Variants in NIPAL1 observed in about 807,000 individuals in gnomAD.
NIPAL1 encodes NIPA like domain containing 1, also known as magnesium transporter NIPA3.
A neutral mutation model predicts 37.7 loss-of-function variants in NIPAL1; 35 were observed. The ratio of observed to expected loss-of-function variants is 0.93; its 90% confidence interval spans 0.71 to 1.23. The LOEUF is 1.23. Ranked by LOEUF, NIPAL1 falls within the 50% of genes most tolerant of loss-of-function variation. The pLI is 0.00. For missense variants in NIPAL1, 412 were observed against 473.9 expected (o/e 0.87, Z 1.21); for synonymous variants, 162 against 183.0 (o/e 0.89, Z 0.93).
In NIPAL1 at chr4:48,037,588, C is replaced by T. The variant is rs532027166; in HGVS notation, c.*1416C>T. ...CTGAACAAATTATCATAATGGCTCT[C>T]TTGAAATTTTGCACTTTCACCCTTA... On this transcript the variant is annotated 3_prime_UTR_variant, in exon 6 of 6. Transcript: ENST00000295461. The T allele has an allele frequency of 3.4e-4, 54 of 156,746 alleles. No individual in the cohort carries two copies. The highest frequency in any genetic ancestry group is 6.5e-4 in the Non-Finnish European group (46 of 70,900). 9.7% of individuals were successfully genotyped at this position (156,746 alleles called of 1,614,324 possible). A position where few individuals can be genotyped will look rare whatever the true frequency, so the allele number is the denominator to read the frequency against.
chr4:48,034,848 T>C, intron 4 of NIPAL1, 33 bp from the exon 5 acceptor site: 1 of 1,558,156 alleles, frequency 6.4e-7, no homozygotes, highest in Non-Finnish European at 8.8e-7. Flanking sequence ...GTAATTGAGC[T>C]ATAGTGATTT....
rs1250473588 is a variant in NIPAL1, at chr4:48,038,165, A to G, written c.*1993A>G. The G allele has an allele frequency of 1.3e-5, 2 of 152,246 alleles. No individual in the cohort carries two copies. The highest frequency in any genetic ancestry group is 2.9e-5 in the Non-Finnish European group (2 of 68,052). 9.4% of individuals were successfully genotyped at this position (152,246 alleles called of 1,614,324 possible). ...CTGCAAGGCCCTAATGTTCCATTAT[A>G]CATTATAGTCTTTTCAGCATAGTTT... On this transcript the variant is annotated 3_prime_UTR_variant, in exon 6 of 6. Transcript: ENST00000295461.
chr4:48,018,626 CAG>C (rs1253951053), intron 1 of NIPAL1, among the ~76,000 whole-genome samples: 2 of 152,102 alleles, frequency 1.3e-5, no homozygotes. Context: ...CTACACCACT[CAG>C]AGCTTGACAT....
At chr4:48,022,201 C>G (rs554596451) in intron 1 of NIPAL1, among the ~76,000 whole-genome samples, 2 of 152,280 alleles carry the variant, frequency 1.3e-5, no homozygotes, top group South Asian at 4.1e-4. Context: ...TGCCCACACA[C>G]CATCCATTAC....
intron 4 of NIPAL1, among the ~76,000 whole-genome samples, chr4:48,034,509 T>C: frequency 6.6e-6 from 1 of 152,234 alleles, no homozygotes; most frequent in East Asian, 1.9e-4. Context: ...TGTATCTTTC[T>C]TGGAAACATC....
Position 48,035,726 on chromosome 4 carries a change from G to T in NIPAL1, c.787G>T (p.Glu263Ter), listed in dbSNP as rs1715911987. The T allele has an allele frequency of 1.2e-6, 2 of 1,614,086 alleles. No individual in the cohort carries two copies. Among genetic ancestry groups the T allele is most frequent in the South Asian group, 2.2e-5 (2 of 91,076 alleles). Residue 263 changes from glutamate (E) to a stop codon, truncating the protein, a stop_gained, in exon 6 of 6, where the codon GAG becomes TAG. Transcript: ENST00000295461. LOFTEE classifies it high-confidence loss of function. ...GAAAGGCCTGGGAATTGCCATTAAG[G>T]AGCTGATAGAATGGAAGCCAGTTTA... is the stretch of plus-strand genomic sequence containing the variant. ...SVKGLGIAIK[E>*]LIEWKPVYKH...
intron 1 of NIPAL1, among the ~76,000 whole-genome samples, chr4:48,021,964 A>AG (rs1715582035): frequency 6.6e-6 from 1 of 152,122 alleles, no homozygotes; most frequent in African/African-American, 2.4e-5. Flanking sequence ...ACATCAAAGA[A>AG]GAAGTACATG....
At chr4:48,028,236 C>A (rs1715735192) in intron 2 of NIPAL1, among the ~76,000 whole-genome samples, 1 of 152,110 alleles carries the variant, frequency 6.6e-6, no homozygotes, top group Non-Finnish European at 1.5e-5. Flanking sequence ...ACACATAGAT[C>A]AGTGGAACAG....
At chr4:48,019,651 C>T (rs1715527703) in intron 1 of NIPAL1, among the ~76,000 whole-genome samples, 1 of 152,080 alleles carries the variant, frequency 6.6e-6, no homozygotes, top group Non-Finnish European at 1.5e-5. Flanking sequence ...GAAGAAAAGG[C>T]AATAGTAGGG....
At chr4:48,021,454 G>A (rs931392078) in intron 1 of NIPAL1, among the ~76,000 whole-genome samples, 3 of 152,110 alleles carry the variant, frequency 2.0e-5, no homozygotes, top group Non-Finnish European at 4.4e-5. Context: ...TAAATATTAG[G>A]TTGAAACATA....
chr4:48,021,926 T>C (rs1715579688), intron 1 of NIPAL1, among the ~76,000 whole-genome samples: 2 of 151,742 alleles, frequency 1.3e-5, no homozygotes, highest in Admixed American at 6.6e-5. Flanking sequence ...ATTTCCTAAA[T>C]ATTCATTATT....
At chr4:48,024,424 G>A (rs1029550267) in intron 1 of NIPAL1, among the ~76,000 whole-genome samples, 6 of 151,652 alleles carry the variant, frequency 4.0e-5, no homozygotes, top group African/African-American at 7.3e-5. Flanking sequence ...GACCACAGAC[G>A]TGCACCACCA....
Position 48,036,971 on chromosome 4 carries a change from A to G in NIPAL1, c.*799A>G, listed in dbSNP as rs1251643945. ...GGGCCAGGGGCTTTTGCTTTAAAAA[A>G]CTTTTTTTAAAACAGAAGTGAAACC... On this transcript the variant is annotated 3_prime_UTR_variant, in exon 6 of 6. Transcript: ENST00000295461. 6.4e-6 allele frequency: 1 copy of G among 155,678 alleles called. No homozygotes were observed. Among genetic ancestry groups the G allele is most frequent in the Non-Finnish European group, 1.4e-5 (1 of 70,404 alleles). The allele number at this position is 155,678 out of a possible 1,614,324, so 9.6% of individuals were successfully genotyped here.
chr4:48,034,424 C>T (rs890473658), intron 4 of NIPAL1, among the ~76,000 whole-genome samples: 1 of 152,046 alleles, frequency 6.6e-6, no homozygotes, highest in Non-Finnish European at 1.5e-5. Context: ...AGATTGGATA[C>T]CCCTGGTCCG....
rs530628640 is a variant in NIPAL1, at chr4:48,027,118, A to C, written c.313+1784A>C. 1.8e-4 allele frequency among the ~76,000 whole-genome samples: 28 copies of C among 152,330 alleles called. No individual in the cohort carries two copies. Among genetic ancestry groups the C allele is most frequent in the Non-Finnish European group, 3.4e-4 (23 of 68,030 alleles). On this transcript the variant is annotated intron_variant, in intron 2 of 5. Transcript: ENST00000295461. The surrounding 1 kb of genome is among the most constrained non-coding windows in gnomAD (Gnocchi z 4.1). Reference sequence around the variant, plus strand: ...AGAGATTATCTAGATTGACAAAAAAAATCCTATATGGAAACACTTTAACTG... The same window carrying C: ...AGAGATTATCTAGATTGACAAAAAACATCCTATATGGAAACACTTTAACTG...
chr4:48,033,242 G>A (rs1389897589), intron 4 of NIPAL1, among the ~76,000 whole-genome samples, 159 bp downstream of exon 4: 1 of 152,076 alleles, frequency 6.6e-6, no homozygotes, highest in Non-Finnish European at 1.5e-5. Context: ...TATTTCTGAG[G>A]CTCCTGGGAA....
At chr4:48,019,648 A>C (rs957417750) in intron 1 of NIPAL1, among the ~76,000 whole-genome samples, 1 of 152,236 alleles carries the variant, frequency 6.6e-6, no homozygotes, top group African/African-American at 2.4e-5. Context: ...ACAGAAGAAA[A>C]GGCAATAGTA....
At position 48,037,246 on chromosome 4, in the gene NIPAL1, C is replaced by A. The variant is rs1048091735; in HGVS notation, c.*1074C>A. The A allele has an allele frequency of 2.3e-6, 1 of 433,466 alleles. No individual in the cohort carries two copies. Among genetic ancestry groups the A allele is most frequent in the Non-Finnish European group, 4.5e-6 (1 of 220,276 alleles). 26.9% of individuals were successfully genotyped at this position (433,466 alleles called of 1,614,324 possible). On this transcript the variant is annotated 3_prime_UTR_variant, in exon 6 of 6. Transcript: ENST00000295461. ...CAGATAAAGGAAAAAGTTTTCTTCT[C>A]ACAAAAACACAGACACGTGATTGTT...
Position 48,016,862 on chromosome 4 carries a change from C to A in NIPAL1, c.23C>A (p.Pro8Gln). Residue 8 changes from proline to glutamine, a missense_variant, in exon 1 of 6, where the codon CCG becomes CAG. By Grantham distance (76) the Pro-to-Gln change is moderately conservative. Transcript: ENST00000295461. MGAQVRL[P>Q]PGEPCREGYV... ...GCCATGGGGGCACAGGTGAGGCTGC[C>A]GCCCGGAGAGCCCTGCCGAGAAGGT... 6.3e-7 allele frequency: 1 copy of A among 1,592,510 alleles called. No homozygotes were observed. The highest frequency in any genetic ancestry group is 8.5e-7 in the Non-Finnish European group (1 of 1,172,634).
Sources: gnomAD v4.1 joint callset for allele counts (sites outside exome capture counted in the v4.1 genomes callset) on GRCh38, gnomAD v4.1.1 for gene constraint, Gnocchi (gnomAD v3.1) non-coding constraint, MANE v1.5 for transcripts, NCBI Gene and HGNC (gene_info 2026-07-23, HGNC 2026-07-21) for gene names.